The following CFTR variants were observed in gnomAD, a reference collection of about 807,000 sequenced individuals.
The protein encoded by CFTR is CF transmembrane conductance regulator, also known as cystic fibrosis transmembrane conductance regulator.
CFTR carries 181 observed loss-of-function variants against 171.6 expected under a neutral mutation model. The ratio of observed to expected loss-of-function variants is 1.05; its 90% CI spans 0.93 to 1.19. The LOEUF is 1.19. CFTR is among the 50% of genes most tolerant of loss of function. The pLI, the probability that CFTR is intolerant of heterozygous loss-of-function variation, is 0.00. For missense variants in CFTR, 1,968 were observed against 1,734.7 expected, an observed-to-expected ratio of 1.13 and a Z score of -2.39; for synonymous variants, 583 against 608.0, an observed-to-expected ratio of 0.96 and a Z score of 0.60.
intron 1 of CFTR, 94 bp from the exon 2 acceptor site, chr7:117,504,159 T>A: frequency 1.3e-6 from 1 of 764,656 alleles, no homozygotes; most frequent in South Asian, 1.4e-5. Flanking sequence ...TGTGCATAAT[T>A]TTCCATATGC....
At chr7:117,650,902 T>A (rs1195785448) in intron 23 of CFTR, among the ~76,000 whole-genome samples, 1 of 152,156 alleles carries the variant, frequency 6.6e-6, no homozygotes, top group East Asian at 1.9e-4. Flanking sequence ...CACAAAGGAT[T>A]TGAGCCATTT....
chr7:117,614,979 G>T (rs2116097307), intron 21 of CFTR, among the ~76,000 whole-genome samples: 1 of 152,056 alleles, frequency 6.6e-6, no homozygotes, highest in African/African-American at 2.4e-5. Flanking sequence ...AATACCTAGG[G>T]GTTGTATTGC....
chr7:117,661,441 G>A (rs552370306), intron 24 of CFTR, among the ~76,000 whole-genome samples: 2 of 152,308 alleles, frequency 1.3e-5, no homozygotes, highest in East Asian at 1.9e-4. Flanking sequence ...TGCCACAAGT[G>A]CAAAGTCTAA....
At chr7:117,627,421 G>A in intron 21 of CFTR, 101 bp from the exon 22 acceptor site, 1 of 1,194,814 alleles carries the variant, frequency 8.4e-7, no homozygotes. Flanking sequence ...GTGACAAATA[G>A]CAAGTGTTGC....
At chr7:117,640,029 A>G (rs1318481587) in intron 22 of CFTR, among the ~76,000 whole-genome samples, 3 of 152,102 alleles carry the variant, frequency 2.0e-5, no homozygotes, top group Non-Finnish European at 4.4e-5. Context: ...CACCAAATTC[A>G]ACACTGTTTA....
chr7:117,610,810 T>A (rs778058833), intron 19 of CFTR, 141 bp downstream of exon 19: 16 of 815,020 alleles, frequency 2.0e-5, no homozygotes, highest in Non-Finnish European at 3.1e-5. Context: ...TACATGCATG[T>A]GTATATAAAA....
intron 3 of CFTR, among the ~76,000 whole-genome samples, chr7:117,523,540 C>A (rs1175602005): frequency 6.6e-6 from 1 of 152,010 alleles, no homozygotes; most frequent in African/African-American, 2.4e-5. Context: ...CCACGCCCAG[C>A]TAAATTTTTT....
intron 11 of CFTR, among the ~76,000 whole-genome samples, chr7:117,563,962 T>G (rs190692691): frequency 6.6e-6 from 1 of 152,326 alleles, no homozygotes. Context: ...ATGTAATGAA[T>G]TTTAAGCAAA....
At chr7:117,637,403 C>T (rs566618089) in intron 22 of CFTR, among the ~76,000 whole-genome samples, 14 of 152,152 alleles carry the variant, frequency 9.2e-5, no homozygotes, top group Middle Eastern at 3.4e-3. Context: ...TGAGCCTGTG[C>T]GCCTGCAGCT....
intron 3 of CFTR, among the ~76,000 whole-genome samples, chr7:117,510,491 T>C (rs1162635625): frequency 6.6e-6 from 1 of 152,222 alleles, no homozygotes; most frequent in Non-Finnish European, 1.5e-5. Context: ...GTAATTGTTA[T>C]GTCATGGCCA....
intron 11 of CFTR, among the ~76,000 whole-genome samples, chr7:117,579,269 TA>T (rs1180468926): frequency 6.6e-6 from 1 of 151,966 alleles, no homozygotes; most frequent in Admixed American, 6.6e-5. Flanking sequence ...TTTTGCATCT[TA>T]AAAAGTGAAC....
chr7:117,522,494 C>T (rs1034092156), intron 3 of CFTR, among the ~76,000 whole-genome samples: 1 of 152,186 alleles, frequency 6.6e-6, no homozygotes, highest in Non-Finnish European at 1.5e-5. Flanking sequence ...CTGGCTTACA[C>T]GTTGGTATCA....
At chr7:117,508,679 T>C (rs889414292) in intron 2 of CFTR, among the ~76,000 whole-genome samples, 4 of 152,314 alleles carry the variant, frequency 2.6e-5, no homozygotes, top group Middle Eastern at 3.4e-3. Context: ...AATGTTTGTG[T>C]GTTTATTTTT....
At chr7:117,587,092 A>T (rs541571940) in intron 11 of CFTR, among the ~76,000 whole-genome samples, 1 of 152,296 alleles carries the variant, frequency 6.6e-6, no homozygotes, top group Admixed American at 6.5e-5. Flanking sequence ...AATGATTGTT[A>T]CCACAGAAAT....
chr7:117,602,989 A>G, intron 16 of CFTR, 126 bp downstream of exon 16: 1 of 958,696 alleles, frequency 1.0e-6, no homozygotes, highest in South Asian at 1.3e-5. Context: ...ATGGTAGTGG[A>G]AAGATAAGGT....
In CFTR at chr7:117,614,713, G is replaced by T. The variant is rs139729994; in HGVS notation, c.3468G>T (p.Leu1156Phe). 608 of 1,602,446 alleles carry T rather than the reference G, an allele frequency of 3.8e-4. 7 individuals are homozygous for T. In the East Asian group the frequency reaches 0.013, roughly 35 times the overall value. The change falls in exon 21 of 27, where the codon TTG (leucine) becomes TTT (phenylalanine). Residue 1156 changes from leucine to phenylalanine, a missense_variant and splice_region_variant. Leu to Phe is a conservative substitution (Grantham distance 22, BLOSUM62 0). Coordinates refer to ENST00000003084, the MANE Select transcript of CFTR (RefSeq NM_000492.4). ...AVNSSIDVDS[L>F]MRSVSRVFKF... The stretch of plus-strand genomic sequence containing the variant: ...ACTCCAGCATAGATGTGGATAGCTT[G>T]GTAAGTCTTATCATCTTTTTAACTT...
At position 117,590,437 on chromosome 7, in the gene CFTR, A is replaced by G; in HGVS notation, c.1764A>G (p.Glu588=). 1 of 1,600,924 alleles carries G rather than the reference A, an allele frequency of 6.2e-7. No individual in the cohort carries two copies. The highest frequency in any genetic ancestry group is 8.5e-7 in the Non-Finnish European group (1 of 1,170,908). The change falls in exon 13 of 27, where the codon GAA becomes GAG. Residue 588 remains glutamate (E), a splice_region_variant and synonymous_variant. Coordinates refer to ENST00000003084, the MANE Select transcript of CFTR (RefSeq NM_000492.4). ...LDVLTEKEIF[E]SCVCKLMANK... ...TTTTAACAGAAAAAGAAATATTTGAAAGGTATGTTCTTTGAATACCTTACT... is the reference window on the plus strand; with the variant it reads ...TTTTAACAGAAAAAGAAATATTTGAGAGGTATGTTCTTTGAATACCTTACT...
intron 17 of CFTR, among the ~76,000 whole-genome samples, chr7:117,605,876 G>T (rs1172382445): frequency 2.0e-5 from 3 of 152,122 alleles, no homozygotes; most frequent in Admixed American, 2.0e-4. Context: ...TTATCCTGCA[G>T]TTTATGGGGG....
intron 3 of CFTR, among the ~76,000 whole-genome samples, chr7:117,516,681 G>C (rs1303746423): frequency 6.6e-6 from 1 of 151,936 alleles, no homozygotes; most frequent in Non-Finnish European, 1.5e-5. Context: ...AATTTTTGTG[G>C]GTACATAGTA....
Sources: allele counts gnomAD v4.1 joint callset (sites outside exome capture counted in the v4.1 genomes callset), GRCh38; gene constraint gnomAD v4.1.1; transcripts MANE v1.5; gene names NCBI Gene and HGNC (gene_info 2026-07-23, HGNC 2026-07-21).